Variants in LPAR1 observed in about 807,000 individuals in gnomAD.
LPAR1 encodes LPA receptor 1.
LPAR1 carries 5 observed loss-of-function variants against 23.8 expected under a neutral mutation model. The observed-to-expected ratio is 0.21, with a 90% CI of 0.11 to 0.44. The LOEUF is 0.44. LPAR1 is among the 20% of genes least tolerant of loss of function. LPAR1 has a pLI of 0.99. For synonymous variants in LPAR1, 160 were observed against 164.7 expected (o/e 0.97, Z 0.22); for missense variants, 311 against 482.8 (o/e 0.64, Z 3.33).
At chr9:110,894,487 C>T (rs569256139) in intron 5 of LPAR1, among the ~76,000 whole-genome samples, 1 of 152,334 alleles carries the variant, frequency 6.6e-6, no homozygotes, top group East Asian at 1.9e-4. Context: ...TCCTTTCCTT[C>T]TTCAGTGAAT....
intron 5 of LPAR1, among the ~76,000 whole-genome samples, chr9:110,892,826 A>AGAC (rs1564386422): frequency 1.5e-5 from 1 of 65,430 alleles, no homozygotes; most frequent in East Asian, 4.6e-4. Context: ...GGAAGGAAGG[A>AGAC]AGGCAGGCAG....
chr9:110,973,147 T>C (rs1350542511), intron 3 of LPAR1, among the ~76,000 whole-genome samples: 2 of 152,132 alleles, frequency 1.3e-5, no homozygotes, highest in African/African-American at 4.8e-5. Flanking sequence ...GTGAATTGTT[T>C]GTTTCTGAAA....
In LPAR1 at chr9:110,933,463, C is replaced by T. The variant is rs139630192; in HGVS notation, c.793+7958G>A. ...AAATCAGTTCATCTAATGCTCACAA[C>T]CACTTGAGAAAGGCCCTATGATTCT... On this transcript the variant is annotated intron_variant, in intron 5 of 5. Coordinates refer to ENST00000683809, the MANE Select transcript of LPAR1 (RefSeq NM_001351411.2). Among the ~76,000 whole-genome samples, 310 of 152,284 alleles carry T rather than the reference C, an allele frequency of 2.0e-3. 2 individuals carry two copies. Among genetic ancestry groups the T allele is most frequent in the African/African-American group, 7.3e-3 (303 of 41,554 alleles).
intron 5 of LPAR1, among the ~76,000 whole-genome samples, chr9:110,929,698 ATGTGTGTG>A (rs71371696): frequency 0.012 from 1,760 of 146,328 alleles, 29 homozygotes; most frequent in African/African-American, 0.032. Context: ...CCAGCCAATA[ATGTGTGTG>A]TGTGTGTGTG....
At chr9:110,954,063 A>C (rs1353791802) in intron 4 of LPAR1, among the ~76,000 whole-genome samples, 2 of 152,136 alleles carry the variant, frequency 1.3e-5, no homozygotes, top group Admixed American at 6.5e-5. Context: ...AAAAGAAATC[A>C]GAAAAGCAAT....
intron 5 of LPAR1, among the ~76,000 whole-genome samples, chr9:110,892,831 AGGCAGGCAGGC>A (rs1564386632): frequency 7.1e-4 from 43 of 60,552 alleles, no homozygotes; most frequent in African/African-American, 3.5e-3. Flanking sequence ...GAAGGAAGGC[AGGCAGGCAGGC>A]AGGCAGGCAG....
At chr9:111,011,987 T>A (rs1564335942) in intron 2 of LPAR1, among the ~76,000 whole-genome samples, 1 of 152,194 alleles carries the variant, frequency 6.6e-6, no homozygotes, top group Non-Finnish European at 1.5e-5. Flanking sequence ...CAATGGCTCA[T>A]GCCTGTTATT....
intron 2 of LPAR1, among the ~76,000 whole-genome samples, chr9:111,013,632 G>T (rs1469864118): frequency 6.6e-6 from 1 of 152,128 alleles, no homozygotes; most frequent in African/African-American, 2.4e-5. Flanking sequence ...CAATAAAAAT[G>T]GGATTGTTAG....
intron 4 of LPAR1, among the ~76,000 whole-genome samples, chr9:110,960,967 TAAC>T (rs1334539802): frequency 6.6e-6 from 1 of 152,180 alleles, no homozygotes; most frequent in Non-Finnish European, 1.5e-5. Context: ...GAAAGGCTAA[TAAC>T]AATATATTTC....
At chr9:110,953,151 G>T (rs1265696536) in intron 4 of LPAR1, among the ~76,000 whole-genome samples, 2 of 152,040 alleles carry the variant, frequency 1.3e-5, no homozygotes, top group Admixed American at 1.3e-4. Context: ...GGGACCTAAG[G>T]ACCTACCCAC....
intron 5 of LPAR1, among the ~76,000 whole-genome samples, chr9:110,882,007 T>G (rs1217025072): frequency 6.6e-6 from 1 of 152,196 alleles, no homozygotes; most frequent in African/African-American, 2.4e-5. Flanking sequence ...ATCCATCTGC[T>G]GGGATTACTC....
At chr9:111,031,348 G>C (rs575081767) in intron 2 of LPAR1, among the ~76,000 whole-genome samples, 3 of 147,782 alleles carry the variant, frequency 2.0e-5, no homozygotes, top group Admixed American at 6.8e-5. Flanking sequence ...CTTGAGCCCA[G>C]GAGTTTGAGA....
At chr9:111,005,312 G>T (rs2097195575) in intron 2 of LPAR1, among the ~76,000 whole-genome samples, 2 of 151,700 alleles carry the variant, frequency 1.3e-5, no homozygotes, top group South Asian at 2.1e-4. Flanking sequence ...GACGGCTCAT[G>T]CCTGTAATCC....
chr9:110,904,878 T>C lies in LPAR1; in HGVS notation c.794-29156A>G, dbSNP rs974303900. 2.0e-5 allele frequency among the ~76,000 whole-genome samples: 3 copies of C among 152,194 alleles called. No individual in the cohort carries two copies. The East Asian group carries it at 5.8e-4, about 29-fold the overall frequency. ...AAGTGCTCTGAAAACTGTAAGAAAG[T>C]TCACAATCCAAAGAGGATATTGTAT... On this transcript the variant is annotated intron_variant, in intron 5 of 5. Coordinates refer to ENST00000683809, the MANE Select transcript of LPAR1 (RefSeq NM_001351411.2).
rs548329999 is a variant in LPAR1, at chr9:110,892,831, A to C, written c.794-17109T>G. ...AAGGAAGGAAGGAAGGAAGGAAGGC[A>C]GGCAGGCAGGCAGGCAGGCAGGCAG... is the stretch of plus-strand genomic sequence containing the variant. On this transcript the variant is annotated intron_variant, in intron 5 of 5. Transcript: ENST00000683809. Among the ~76,000 whole-genome samples, 401 of 60,568 alleles carry C rather than the reference A, an allele frequency of 6.6e-3. 8 individuals are homozygous for C. The highest frequency in any genetic ancestry group is 0.03 in the African/African-American group (350 of 11,672). The allele number at this position is 60,568 out of a possible 152,430, so 39.7% of individuals were successfully genotyped here.
intron 4 of LPAR1, among the ~76,000 whole-genome samples, chr9:110,957,503 A>G (rs1737076028): frequency 6.6e-6 from 1 of 152,180 alleles, no homozygotes; most frequent in South Asian, 2.1e-4. Context: ...TGACCATCTC[A>G]ATAGATGCAA....
chr9:110,887,886 C>T (rs1320206067), intron 5 of LPAR1, among the ~76,000 whole-genome samples: 1 of 152,146 alleles, frequency 6.6e-6, no homozygotes, highest in Non-Finnish European at 1.5e-5. Context: ...TATATTTACA[C>T]ACAATACAAT....
intron 5 of LPAR1, among the ~76,000 whole-genome samples, chr9:110,897,401 T>C (rs1048621989): frequency 1.3e-4 from 20 of 152,348 alleles, no homozygotes; most frequent in African/African-American, 4.8e-4. Flanking sequence ...CCCAGCCATG[T>C]TGAACCATAA....
At chr9:110,951,388 TAAGA>T (rs2095564277) in intron 4 of LPAR1, among the ~76,000 whole-genome samples, 1 of 151,808 alleles carries the variant, frequency 6.6e-6, no homozygotes, top group Admixed American at 6.6e-5. Context: ...GAAACACACA[TAAGA>T]AAGACTTTCT....
Sources: allele counts gnomAD v4.1 joint callset (sites outside exome capture counted in the v4.1 genomes callset), GRCh38; gene constraint gnomAD v4.1.1; transcripts MANE v1.5; gene names NCBI Gene and HGNC (gene_info 2026-07-23, HGNC 2026-07-21).